HELZ: variants seen among roughly 807,000 people sequenced by gnomAD.
HELZ encodes ATP-dependent RNA helicase with zinc finger domain.
HELZ carries 23 observed loss-of-function variants against 218.2 expected under a neutral mutation model. The observed-to-expected ratio is 0.11, with a 90% CI of 0.08 to 0.15. HELZ has a LOEUF of 0.15. Among genes scored for constraint, HELZ ranks in the 10% least tolerant of loss-of-function variants. HELZ has a pLI of 1.00. For synonymous variants in HELZ, 814 were observed against 829.4 expected, an observed-to-expected ratio of 0.98 and a Z score of 0.32; for missense variants, 1,813 against 2,353.7, an observed-to-expected ratio of 0.77 and a Z score of 4.75.
At chr17:67,228,039 GA>G (rs1264274531) in intron 3 of HELZ, among the ~76,000 whole-genome samples, 3 of 151,560 alleles carry the variant, frequency 2.0e-5, no homozygotes, top group East Asian at 1.9e-4. Context: ...TTGCCTATTA[GA>G]AAAAAAATAT....
Position 67,078,536 on chromosome 17 carries a change from G to A in HELZ, c.5545C>T (p.Leu1849Phe). The change falls in exon 33 of 33, where the codon CTC becomes TTC. Residue 1849 changes from leucine to phenylalanine, a missense_variant. Transcript: ENST00000358691. ...TAGTTGAAGGAACTGGACACCTCGA[G>A]GTTCTCCGACTTCAGTTGATCCTCA... is the stretch of plus-strand genomic sequence containing the variant. ...PPEDQLKSEN[L>F]EVSSSFNYSV... is the part of the protein sequence containing the mutation. The A allele has an allele frequency of 6.7e-7, 1 of 1,500,690 alleles. No individual in the cohort carries two copies. Among genetic ancestry groups the A allele is most frequent in the Non-Finnish European group, 8.9e-7 (1 of 1,126,170 alleles). The allele number at this position is 1,500,690 out of a possible 1,614,324, so 93.0% of individuals were successfully genotyped here. A position where few individuals can be genotyped will look rare whatever the true frequency, so the allele number is the denominator to read the frequency against.
In HELZ at chr17:67,193,715, C is replaced by CA. The variant is rs563994490; in HGVS notation, c.557+251dup. Among the ~76,000 whole-genome samples the CA allele has an allele frequency of 8.6e-4, 130 of 151,742 alleles. 2 individuals are homozygous for CA. Among genetic ancestry groups the CA allele is most frequent in the Middle Eastern group, 6.8e-3 (2 of 294 alleles). ...TGGGCAATAGGGCGAGACTCCATCTCAAAAAAAATAAATAGATAAAAAATA... is the reference window on the plus strand; with the variant it reads ...TGGGCAATAGGGCGAGACTCCATCTCAAAAAAAAATAAATAGATAAAAAATA... On this transcript the variant is annotated intron_variant, in intron 9 of 32. Coordinates refer to ENST00000358691, the MANE Select transcript of HELZ (RefSeq NM_014877.4).
chr17:67,158,286 T>G (rs1598340805), intron 17 of HELZ, among the ~76,000 whole-genome samples: 1 of 152,310 alleles, frequency 6.6e-6, no homozygotes, highest in East Asian at 1.9e-4. Flanking sequence ...GAGCAGACAC[T>G]TAGTGCCCTC....
At chr17:67,141,007 G>T (rs1436278903) in intron 21 of HELZ, among the ~76,000 whole-genome samples, 2 of 152,042 alleles carry the variant, frequency 1.3e-5, no homozygotes, top group African/African-American at 4.8e-5. Context: ...GCAAAATAAA[G>T]ACATGCCCAG....
intron 32 of HELZ, among the ~76,000 whole-genome samples, chr17:67,085,074 T>G (rs2036325088): frequency 6.6e-6 from 1 of 151,528 alleles, no homozygotes; most frequent in African/African-American, 2.4e-5. Flanking sequence ...ACCACTACAC[T>G]CTAGCCACGG....
Position 67,158,726 on chromosome 17 carries a change from C to T in HELZ, c.2177+1535G>A, listed in dbSNP as rs549267009. On this transcript the variant is annotated intron_variant, in intron 17 of 32. Coordinates refer to ENST00000358691, the MANE Select transcript of HELZ (RefSeq NM_014877.4). ...TCTCTGTAAGTTAAAGGGCGAGTCT[C>T]GATACTTGGGCCACAACAACTATAC... 3.3e-5 allele frequency among the ~76,000 whole-genome samples: 5 copies of T among 152,160 alleles called. No homozygotes were observed. In the South Asian group the frequency reaches 1.0e-3, roughly 32 times the overall value.
intron 18 of HELZ, 147 bp from the exon 19 acceptor site, chr17:67,150,132 T>C (rs2038635234): frequency 4.7e-6 from 1 of 210,844 alleles, no homozygotes; most frequent in Non-Finnish European, 8.8e-6. Context: ...TTTTCTTTCT[T>C]TTTTTTTTTT....
intron 21 of HELZ, among the ~76,000 whole-genome samples, chr17:67,143,808 C>G (rs1165542890): frequency 1.3e-5 from 2 of 152,044 alleles, no homozygotes; most frequent in Non-Finnish European, 2.9e-5. Flanking sequence ...AAATGATGTA[C>G]AAAGCACAAG....
At chr17:67,111,657 T>C (rs2037283571) in intron 28 of HELZ, among the ~76,000 whole-genome samples, 1 of 152,208 alleles carries the variant, frequency 6.6e-6, no homozygotes, top group African/African-American at 2.4e-5. Context: ...TGCCATTAAA[T>C]TTGGCCAATT....
At chr17:67,135,915 G>T in intron 23 of HELZ, 55 bp downstream of exon 23, 1 of 1,360,518 alleles carries the variant, frequency 7.4e-7, no homozygotes, top group East Asian at 2.4e-5. Flanking sequence ...TACACATAGG[G>T]ATACAAATCA....
rs746066356 is a variant in HELZ, at chr17:67,109,107, A to G, written c.4489+9T>C. The G allele has an allele frequency of 6.3e-7, 1 of 1,582,332 alleles. No homozygotes were observed. The highest frequency in any genetic ancestry group is 8.6e-7 in the Non-Finnish European group (1 of 1,161,432). On this transcript the variant is annotated intron_variant, in intron 29 of 32. Transcript: ENST00000358691. ...CTGAATTTTCACATCTGGCAGTAAT[A>G]GAACTTACCTAAAGCCTCCCCTATA... is the stretch of plus-strand genomic sequence containing the variant.
intron 3 of HELZ, chr17:67,225,003 G>A (rs1164395395): frequency 1.0e-5 from 7 of 691,020 alleles, no homozygotes; most frequent in African/African-American, 5.3e-5. Context: ...TTTTGAACTG[G>A]AAGGAGATAA....
At chr17:67,221,574 TCACCAGCTG>T (rs1215959768) in intron 3 of HELZ, among the ~76,000 whole-genome samples, 1 of 152,190 alleles carries the variant, frequency 6.6e-6, no homozygotes, top group Non-Finnish European at 1.5e-5. Flanking sequence ...GAACCAGAAT[TCACCAGCTG>T]CACCACTCTC....
At position 67,124,961 on chromosome 17, in the gene HELZ, GACAC is replaced by G. The variant is rs138727600; in HGVS notation, c.3388-951_3388-948del. ...TAGCACATTGCGCAACTTACCTTTA[GACAC>G]ACACAAATTTGTAAATTTGTAAATT... On this transcript the variant is annotated intron_variant, in intron 24 of 32. Transcript: ENST00000358691. Among the ~76,000 whole-genome samples, 958 of 151,662 alleles carry G rather than the reference GACAC, an allele frequency of 6.3e-3. 8 individuals are homozygous for G. Among genetic ancestry groups the G allele is most frequent in the African/African-American group, 0.021 (868 of 41,316 alleles).
chr17:67,157,305 A>G (rs1217852769), intron 17 of HELZ, among the ~76,000 whole-genome samples: 1 of 152,218 alleles, frequency 6.6e-6, no homozygotes, highest in Non-Finnish European at 1.5e-5. Context: ...GAGGGGGGAA[A>G]AAAAGAAAGA....
At chr17:67,237,112 G>C (rs1425977250) in intron 3 of HELZ, among the ~76,000 whole-genome samples, 1 of 152,132 alleles carries the variant, frequency 6.6e-6, no homozygotes, top group African/African-American at 2.4e-5. Flanking sequence ...GGCCAAGGCG[G>C]GTGGATCACC....
chr17:67,232,246 C>T (rs550967191), intron 3 of HELZ, among the ~76,000 whole-genome samples: 6 of 151,866 alleles, frequency 4.0e-5, no homozygotes, highest in Admixed American at 6.6e-5. Context: ...CAGGTTCAAG[C>T]GATTCTCCTT....
rs1045498180 is a variant in HELZ, at chr17:67,150,959, T to C, written c.2356+87A>G. On this transcript the variant is annotated intron_variant, in intron 18 of 32. Coordinates refer to ENST00000358691, the MANE Select transcript of HELZ (RefSeq NM_014877.4). ...ACAAAAACAGTCAGTGAGCCAGATT[T>C]GGCCCACACACTGTAGTTTGCCAAT... The C allele has an allele frequency of 3.7e-5, 40 of 1,068,986 alleles. No homozygotes were observed. The African/African-American group carries it at 6.2e-4, about 16-fold the overall frequency. The allele number at this position is 1,068,986 out of a possible 1,614,324, so 66.2% of individuals were successfully genotyped here.
intron 32 of HELZ, among the ~76,000 whole-genome samples, chr17:67,083,323 T>TA (rs1350951349): frequency 2.0e-5 from 3 of 152,228 alleles, no homozygotes; most frequent in Non-Finnish European, 4.4e-5. Flanking sequence ...TGAATTTCAC[T>TA]AGTCTTACAA....
Sources: gnomAD v4.1 joint callset for allele counts (sites outside exome capture counted in the v4.1 genomes callset) on GRCh38, gnomAD v4.1.1 for gene constraint, MANE v1.5 for transcripts, NCBI Gene and HGNC (gene_info 2026-07-23, HGNC 2026-07-21) for gene names.